The following EML6 variants were observed in gnomAD, a reference collection of about 807,000 sequenced individuals.
EML6 encodes echinoderm microtubule-associated protein-like 6.
EML6 carries 154 observed loss-of-function variants against 240.1 expected under a neutral mutation model. That is an observed-to-expected ratio of 0.64 (90% confidence interval 0.56 to 0.73). The LOEUF (loss-of-function observed/expected upper bound fraction) is 0.73, where lower values mean the gene tolerates loss of function less well. Among genes scored for constraint, EML6 ranks in the 30% least tolerant of loss-of-function variants. The pLI, the probability that EML6 is intolerant of heterozygous loss-of-function variation, is 0.00. For synonymous variants in EML6, 1,148 were observed against 899.0 expected (o/e 1.28, Z -4.95); for missense variants, 2,964 against 2,474.6 (o/e 1.20, Z -4.20).
chr2:54,901,078 G>A (rs1222287779), intron 22 of EML6, among the ~76,000 whole-genome samples: 2 of 152,190 alleles, frequency 1.3e-5, no homozygotes, highest in Non-Finnish European at 2.9e-5. Flanking sequence ...TGGCTAATAT[G>A]GCTGAGCCAA....
Position 54,869,349 on chromosome 2 carries a change from C to A in EML6, c.2220C>A (p.Asp740Glu). ...GCCTGACCATCCATCCAGTGAAGGACTATGTGGCTACTGGGCAGGTATCTA... is the reference window on the plus strand; with the variant it reads ...GCCTGACCATCCATCCAGTGAAGGAATATGTGGCTACTGGGCAGGTATCTA... The part of the protein sequence containing the change: ...ILSLTIHPVK[D>E]YVATGQVGRD... The change falls in exon 15 of 42, where the codon GAC becomes GAA. Residue 740 changes from aspartate to glutamate, a missense_variant. Coordinates refer to ENST00000356458, the MANE Select transcript of EML6 (RefSeq NM_001039753.4). The A allele has an allele frequency of 6.4e-7, 1 of 1,550,918 alleles. No individual in the cohort carries two copies.
In EML6 at chr2:54,725,138, A is replaced by G; in HGVS notation, c.77A>G (p.Asn26Ser). 2 of 1,539,520 alleles carry G rather than the reference A, an allele frequency of 1.3e-6. No individual in the cohort carries two copies. The highest frequency in any genetic ancestry group is 1.2e-5 in the South Asian group (1 of 83,576). ...GGGTACCGGGGTCACCAGTGCCGCAACAACCTGTACTACACGGCAGGCAAG... is the reference window on the plus strand; with the variant it reads ...GGGTACCGGGGTCACCAGTGCCGCAGCAACCTGTACTACACGGCAGGCAAG... ...VYGYRGHQCR[N>S]NLYYTAGKEV... The change falls in exon 2 of 42, where the codon AAC (asparagine) becomes AGC (serine). Residue 26 changes from asparagine to serine, a missense_variant. Asn to Ser is a conservative substitution (Grantham distance 46). Coordinates refer to ENST00000356458, the MANE Select transcript of EML6 (RefSeq NM_001039753.4). The surrounding 1 kb of genome is among the most constrained non-coding windows in gnomAD (Gnocchi z 4.3).
intron 17 of EML6, among the ~76,000 whole-genome samples, chr2:54,885,943 A>G (rs1309247430): frequency 6.6e-6 from 1 of 152,046 alleles, no homozygotes; most frequent in Non-Finnish European, 1.5e-5. Context: ...CAGAGCCCCA[A>G]AATTCCATCT....
chr2:54,799,824 C>G (rs1362748736), intron 2 of EML6, among the ~76,000 whole-genome samples: 1 of 152,162 alleles, frequency 6.6e-6, no homozygotes, highest in Non-Finnish European at 1.5e-5. Context: ...CAGAAGCAGA[C>G]AAAACTCATT....
At chr2:54,878,636 A>G (rs1227114280) in intron 16 of EML6, among the ~76,000 whole-genome samples, 1 of 152,240 alleles carries the variant, frequency 6.6e-6, no homozygotes, top group Non-Finnish European at 1.5e-5. Flanking sequence ...ATGGATAATT[A>G]TTATTCTCTT....
At chr2:54,898,846 A>C (rs1017345778) in intron 21 of EML6, among the ~76,000 whole-genome samples, 9 of 152,248 alleles carry the variant, frequency 5.9e-5, no homozygotes, top group African/African-American at 2.2e-4. Context: ...ACACTGCATT[A>C]TAGAGTGAAA....
rs1264989761 is a variant in EML6 at position 54,774,774 on chromosome 2, T to C, written c.198-38458T>C. Reference sequence around the variant, plus strand: ...TAATGATCAAATTTAGAAAATAGTGTATTGCAAAATCTTTATCTTCTACTC... The same window carrying C: ...TAATGATCAAATTTAGAAAATAGTGCATTGCAAAATCTTTATCTTCTACTC... On this transcript the variant is annotated intron_variant, in intron 2 of 41. Coordinates refer to ENST00000356458, the MANE Select transcript of EML6 (RefSeq NM_001039753.4). This position sits in a 1 kb window ranked among gnomAD's most constrained non-coding sequence, Gnocchi z 4.1. 6.6e-6 allele frequency among the ~76,000 whole-genome samples: 1 copy of C among 152,230 alleles called. No homozygotes were observed.
chr2:54,836,676 G>GCT (rs1456734844), intron 7 of EML6, among the ~76,000 whole-genome samples: 3 of 152,154 alleles, frequency 2.0e-5, no homozygotes, highest in Admixed American at 2.0e-4. Context: ...GGCTTCTCAG[G>GCT]CTGAGGTCTG....
intron 2 of EML6, among the ~76,000 whole-genome samples, chr2:54,728,709 T>C (rs1683019638): frequency 6.6e-6 from 1 of 152,186 alleles, no homozygotes; most frequent in Non-Finnish European, 1.5e-5. Context: ...ATAAATATTC[T>C]TAGTTGTGGT....
chr2:54,847,453 T>A (rs1375190082), intron 8 of EML6, 33 bp from the exon 9 acceptor site: 72 of 1,543,450 alleles, frequency 4.7e-5, no homozygotes, highest in Non-Finnish European at 6.1e-5. Flanking sequence ...GGAAGTTGGT[T>A]TTGTTTTGTT....
intron 2 of EML6, among the ~76,000 whole-genome samples, chr2:54,730,565 A>G (rs1683108993): frequency 6.6e-6 from 1 of 152,230 alleles, no homozygotes; most frequent in East Asian, 1.9e-4. Flanking sequence ...TTTTACACTG[A>G]GAAATGGCTC....
At chr2:54,879,405 A>C (rs554641461) in intron 16 of EML6, 142 bp from the exon 17 acceptor site, 2 of 636,164 alleles carry the variant, frequency 3.1e-6, no homozygotes, top group South Asian at 3.9e-5. Context: ...TACATTGTAT[A>C]ATCAAGTCAG....
intron 13 of EML6, among the ~76,000 whole-genome samples, chr2:54,865,162 G>A (rs1558628304): frequency 6.6e-6 from 1 of 152,118 alleles, no homozygotes; most frequent in East Asian, 1.9e-4. Context: ...CTTTAATTGG[G>A]AAGTGTTTGT....
intron 2 of EML6, among the ~76,000 whole-genome samples, chr2:54,756,107 A>C (rs1667715077): frequency 6.6e-6 from 1 of 152,150 alleles, no homozygotes; most frequent in Non-Finnish European, 1.5e-5. Context: ...TCATTCAGTG[A>C]GAATGCCGTG....
chr2:54,934,184 T>C (rs892009271), intron 28 of EML6, among the ~76,000 whole-genome samples: 2 of 152,188 alleles, frequency 1.3e-5, no homozygotes, highest in East Asian at 1.9e-4. Flanking sequence ...TTTCAAAACA[T>C]ACACATATGG....
At chr2:54,908,956 A>G (rs1229471576) in intron 24 of EML6, among the ~76,000 whole-genome samples, 1 of 152,236 alleles carries the variant, frequency 6.6e-6, no homozygotes, top group Non-Finnish European at 1.5e-5. Flanking sequence ...ACAATGCTAC[A>G]CAGCACTTAC....
chr2:54,971,231 G>C lies in EML6; in HGVS notation c.*1136G>C, dbSNP rs1676981383. ...AGCTGGTAAATCAAAATTATAAAGT[G>C]AGTTAGAGTTCCTTGGAGTTGGTTG... is the stretch of plus-strand genomic sequence containing the variant. On this transcript the variant is annotated 3_prime_UTR_variant, in exon 42 of 42. Coordinates refer to ENST00000356458, the MANE Select transcript of EML6 (RefSeq NM_001039753.4). 6.6e-6 allele frequency: 1 copy of C among 152,248 alleles called. No individual in the cohort carries two copies. 9.4% of individuals were successfully genotyped at this position (152,248 alleles called of 1,614,324 possible). A position where few individuals can be genotyped will look rare whatever the true frequency, so the allele number is the denominator to read the frequency against.
At chr2:54,910,334 C>T (rs941629606) in intron 24 of EML6, among the ~76,000 whole-genome samples, 13 of 152,212 alleles carry the variant, frequency 8.5e-5, no homozygotes, top group African/African-American at 2.4e-4. Flanking sequence ...CCTTTTTCAA[C>T]GTCAAATCCA....
chr2:54,959,005 C>G (rs1055094368), intron 33 of EML6, 99 bp from the exon 34 acceptor site: 2 of 1,151,376 alleles, frequency 1.7e-6, no homozygotes, highest in African/African-American at 3.1e-5. Context: ...CCTAGGCTGT[C>G]TGCATCTCTA....
Sources: gnomAD v4.1 joint callset for allele counts (sites outside exome capture counted in the v4.1 genomes callset) on GRCh38, gnomAD v4.1.1 for gene constraint, Gnocchi (gnomAD v3.1) non-coding constraint, MANE v1.5 for transcripts, NCBI Gene and HGNC (gene_info 2026-07-23, HGNC 2026-07-21) for gene names.